The following MNAT1 variants were observed in gnomAD, a reference collection of about 807,000 sequenced individuals.
The protein encoded by MNAT1 is CDK-activating kinase assembly factor MAT1.
In MNAT1, 43 loss-of-function variants were observed where a neutral mutation model predicts 42.0. The ratio of observed to expected loss-of-function variants is 1.02; its 90% CI spans 0.80 to 1.32. MNAT1 has a LOEUF of 1.32. MNAT1 is among the 40% of genes most tolerant of loss of function. MNAT1 has a pLI of 0.00. For synonymous variants in MNAT1, 118 were observed against 120.0 expected (o/e 0.98, Z 0.11); for missense variants, 306 against 350.4 (o/e 0.87, Z 1.01).
intron 1 of MNAT1, among the ~76,000 whole-genome samples, chr14:60,739,684 A>G (rs1326836784): frequency 6.6e-6 from 1 of 152,212 alleles, no homozygotes; most frequent in African/African-American, 2.4e-5. Context: ...ATTGGATTTC[A>G]TGTTCTTTTT....
chr14:60,881,684 G>A (rs2034554751), intron 7 of MNAT1, among the ~76,000 whole-genome samples: 1 of 151,874 alleles, frequency 6.6e-6, no homozygotes, highest in Non-Finnish European at 1.5e-5. Flanking sequence ...TATATACAGT[G>A]GGCTATGGGA....
At chr14:60,872,034 A>G (rs1051052869) in intron 6 of MNAT1, among the ~76,000 whole-genome samples, 2 of 152,002 alleles carry the variant, frequency 1.3e-5, no homozygotes, top group Admixed American at 6.6e-5. Flanking sequence ...TTCTCTTTTT[A>G]TTAGTATGTT....
intron 7 of MNAT1, among the ~76,000 whole-genome samples, chr14:60,894,277 G>GTT (rs781579357): frequency 9.0e-5 from 13 of 144,272 alleles, no homozygotes; most frequent in East Asian, 6.0e-4. Flanking sequence ...AGGCTTGGAT[G>GTT]TTTTTTTTTT....
chr14:60,821,229 G>T (rs2032881546), intron 6 of MNAT1, among the ~76,000 whole-genome samples: 1 of 152,090 alleles, frequency 6.6e-6, no homozygotes, highest in Non-Finnish European at 1.5e-5. Context: ...TGATCCTCCT[G>T]CCTTGGCCTC....
At chr14:60,860,082 A>G (rs910058526) in intron 6 of MNAT1, among the ~76,000 whole-genome samples, 2 of 152,192 alleles carry the variant, frequency 1.3e-5, no homozygotes, top group African/African-American at 4.8e-5. Context: ...TCAGTCTTAA[A>G]CTGTAACATC....
intron 1 of MNAT1, among the ~76,000 whole-genome samples, chr14:60,786,073 C>A: frequency 6.6e-6 from 1 of 150,652 alleles, no homozygotes; most frequent in African/African-American, 2.4e-5. Context: ...GAAATAGAAA[C>A]AAAATATAAT....
chr14:60,770,731 G>A (rs1420949480), intron 1 of MNAT1, among the ~76,000 whole-genome samples: 2 of 152,034 alleles, frequency 1.3e-5, no homozygotes, highest in African/African-American at 2.4e-5. Flanking sequence ...CAAAATGGTT[G>A]CGTTATTTTA....
At chr14:60,889,855 C>T (rs1448339473) in intron 7 of MNAT1, among the ~76,000 whole-genome samples, 3 of 152,220 alleles carry the variant, frequency 2.0e-5, no homozygotes, top group Non-Finnish European at 2.9e-5. Flanking sequence ...AAAAAATGCT[C>T]ACCATCACTG....
chr14:60,809,492 G>A lies in MNAT1; in HGVS notation c.420+1064G>A, dbSNP rs141717164. ...TCTCTGGGAACATCAGAAGATACATGCAAAATAGGTATGCGTAGGTAAAAT... is the reference window on the plus strand; with the variant it reads ...TCTCTGGGAACATCAGAAGATACATACAAAATAGGTATGCGTAGGTAAAAT... On this transcript the variant is annotated intron_variant, in intron 4 of 7. Transcript: ENST00000261245. Among the ~76,000 whole-genome samples the A allele has an allele frequency of 3.6e-3, 541 of 152,178 alleles. 1 individual carries two copies. The highest frequency in any genetic ancestry group is 0.012 in the African/African-American group (504 of 41,542).
At chr14:60,867,569 G>GTTTCT (rs2034233152) in intron 6 of MNAT1, among the ~76,000 whole-genome samples, 1 of 152,004 alleles carries the variant, frequency 6.6e-6, no homozygotes, top group South Asian at 2.1e-4. Flanking sequence ...TCTACTGGCT[G>GTTTCT]TTTCTTTAGT....
At chr14:60,816,896 T>C (rs1010621610) in intron 5 of MNAT1, among the ~76,000 whole-genome samples, 5 of 152,020 alleles carry the variant, frequency 3.3e-5, no homozygotes, top group African/African-American at 7.2e-5. Context: ...TTTGTTTTTA[T>C]TAGATTTCAG....
chr14:60,891,891 AT>A (rs1281253066), intron 7 of MNAT1, among the ~76,000 whole-genome samples: 10 of 151,274 alleles, frequency 6.6e-5, no homozygotes, highest in African/African-American at 1.5e-4. Flanking sequence ...TTTCCTTGCG[AT>A]TTTTTTTGAA....
rs542748165 is a variant in MNAT1 at position 60,852,726 on chromosome 14, G to C, written c.688-26988G>C. ...CCATCTTGAGTTAATTTTTGTATAA[G>C]GTGTAAGGAAGGGGTCCAGTTTCAG... is the stretch of plus-strand genomic sequence containing the variant. On this transcript the variant is annotated intron_variant, in intron 6 of 7. Transcript: ENST00000261245. Among the ~76,000 whole-genome samples the C allele has an allele frequency of 2.0e-4, 30 of 152,244 alleles. No homozygotes were observed. The South Asian group carries it at 6.2e-3, about 32-fold the overall frequency.
intron 7 of MNAT1, among the ~76,000 whole-genome samples, chr14:60,913,250 A>G (rs1388617191): frequency 1.3e-5 from 2 of 151,918 alleles, no homozygotes; most frequent in Non-Finnish European, 2.9e-5. Context: ...CAAAGTTTTT[A>G]ACTTCTTTGC....
chr14:60,906,367 A>G (rs2035200311), intron 7 of MNAT1, among the ~76,000 whole-genome samples: 2 of 152,170 alleles, frequency 1.3e-5, no homozygotes, highest in South Asian at 4.1e-4. Context: ...TTGCCATAAT[A>G]TTACTTTCAT....
chr14:60,827,478 A>T (rs2033086775), intron 6 of MNAT1, among the ~76,000 whole-genome samples: 1 of 152,140 alleles, frequency 6.6e-6, no homozygotes, highest in Non-Finnish European at 1.5e-5. Context: ...AGTTATAGAA[A>T]ATTAATACCC....
At chr14:60,934,654 A>T (rs1165683827) in intron 7 of MNAT1, among the ~76,000 whole-genome samples, 4 of 152,212 alleles carry the variant, frequency 2.6e-5, no homozygotes, top group African/African-American at 9.7e-5. Flanking sequence ...GCCATGTAGA[A>T]CTATAAGTGC....
intron 7 of MNAT1, among the ~76,000 whole-genome samples, chr14:60,924,767 A>T (rs1004228646): frequency 6.6e-6 from 1 of 152,224 alleles, no homozygotes; most frequent in Admixed American, 6.5e-5. Flanking sequence ...TGGGTGAGTG[A>T]GGGCAAAAGC....
intron 4 of MNAT1, among the ~76,000 whole-genome samples, chr14:60,809,941 C>T (rs2032492730): frequency 6.6e-6 from 1 of 152,012 alleles, no homozygotes; most frequent in African/African-American, 2.4e-5. Flanking sequence ...GATATTAATT[C>T]TTCTTTAAAT....
Sources: gnomAD v4.1 joint callset for allele counts (sites outside exome capture counted in the v4.1 genomes callset) on GRCh38, gnomAD v4.1.1 for gene constraint, MANE v1.5 for transcripts, NCBI Gene and HGNC (gene_info 2026-07-23, HGNC 2026-07-21) for gene names.